Variants in SH3KBP1 observed in about 807,000 individuals in gnomAD.
SH3KBP1 encodes the protein SH3 domain-containing kinase-binding protein 1.
A neutral mutation model predicts 50.1 loss-of-function variants in SH3KBP1; 8 were observed. That is an observed-to-expected ratio of 0.16 (90% CI 0.09 to 0.29). The LOEUF (loss-of-function observed/expected upper bound fraction) is 0.29, where lower values mean the gene tolerates loss of function less well. SH3KBP1 is among the 10% of genes least tolerant of loss of function. SH3KBP1 has a pLI of 1.00. For missense variants in SH3KBP1, 377 were observed against 535.2 expected (o/e 0.70, Z 2.92); for synonymous variants, 227 against 218.6 (o/e 1.04, Z -0.34).
At chrX:19,563,854 G>A (rs1200819945) in intron 13 of SH3KBP1, among the ~76,000 whole-genome samples, 1 of 111,910 alleles carries the variant, frequency 8.9e-6, no homozygotes, top group Non-Finnish European at 1.9e-5. Context: ...GGAGCCAGCC[G>A]TGGCTCTTCA....
chrX:19,760,041 C>CCTCTCCCTCTCTCTCTCT (rs1556346157), intron 2 of SH3KBP1, among the ~76,000 whole-genome samples: 35 of 50,443 alleles, frequency 6.9e-4, no homozygotes, highest in African/African-American at 3.0e-3. Context: ...TCTCTCTCTC[C>CCTCTCCCTCTCTCTCTCT]CTCTCTCTCT....
At chrX:19,599,341 A>G (rs1412145562) in intron 9 of SH3KBP1, among the ~76,000 whole-genome samples, 4 of 112,777 alleles carry the variant, frequency 3.5e-5, no homozygotes, top group Non-Finnish European at 5.6e-5. Flanking sequence ...TAGCAGACAC[A>G]TGAAATGTGA....
At chrX:19,693,415 A>T (rs1222441477) in intron 5 of SH3KBP1, among the ~76,000 whole-genome samples, 1 of 111,798 alleles carries the variant, frequency 8.9e-6, no homozygotes, top group African/African-American at 3.3e-5. Context: ...CTTTTCCTTA[A>T]CTGTACATGC....
At chrX:19,657,310 G>C (rs2062305357) in intron 6 of SH3KBP1, among the ~76,000 whole-genome samples, 1 of 107,074 alleles carries the variant, frequency 9.3e-6, no homozygotes, top group African/African-American at 3.4e-5. Flanking sequence ...GAGCCAGGAA[G>C]TTGAGGTTGC....
At chrX:19,545,710 C>A (rs1389328208) in intron 15 of SH3KBP1, among the ~76,000 whole-genome samples, 1 of 112,154 alleles carries the variant, frequency 8.9e-6, no homozygotes, top group African/African-American at 3.2e-5. Context: ...AAGAGAACAA[C>A]ATGGGAAATA....
intron 1 of SH3KBP1, among the ~76,000 whole-genome samples, chrX:19,852,992 G>C (rs1206716253): frequency 8.9e-6 from 1 of 112,493 alleles, no homozygotes; most frequent in African/African-American, 3.2e-5. Flanking sequence ...GCGAGTTGAC[G>C]CCTTCTCTTA....
At chrX:19,679,442 G>A (rs2062997192) in intron 6 of SH3KBP1, among the ~76,000 whole-genome samples, 2 of 112,002 alleles carry the variant, frequency 1.8e-5, no homozygotes, top group African/African-American at 6.5e-5. Context: ...TGGCCCAGCT[G>A]AGGCCAACTT....
chrX:19,754,707 G>T (rs1369464593), intron 2 of SH3KBP1, among the ~76,000 whole-genome samples: 1 of 111,284 alleles, frequency 9.0e-6, no homozygotes, highest in Non-Finnish European at 1.9e-5. Flanking sequence ...GACCTCAAGT[G>T]ATCAGAGGCA....
At chrX:19,615,740 G>A (rs1433535467) in intron 8 of SH3KBP1, among the ~76,000 whole-genome samples, 1 of 111,311 alleles carries the variant, frequency 9.0e-6, no homozygotes, top group Admixed American at 9.6e-5. Context: ...GGTTTATAAG[G>A]TAAGAAGAAA....
At chrX:19,573,597 T>C (rs1198233922) in intron 12 of SH3KBP1, among the ~76,000 whole-genome samples, 1 of 112,154 alleles carries the variant, frequency 8.9e-6, no homozygotes, top group Non-Finnish European at 1.9e-5. Flanking sequence ...TAAAGTTTAC[T>C]CTTAATAATA....
chrX:19,695,110 C>T, intron 5 of SH3KBP1: 1 of 1,028,832 alleles, frequency 9.7e-7, no homozygotes, highest in Non-Finnish European at 1.3e-6. Flanking sequence ...CACATGCTCA[C>T]CACCCAAGGT....
At chrX:19,638,970 T>G (rs2148346753) in intron 7 of SH3KBP1, among the ~76,000 whole-genome samples, 1 of 111,784 alleles carries the variant, frequency 8.9e-6, no homozygotes, top group African/African-American at 3.3e-5. Flanking sequence ...ACAATTCTAC[T>G]TATTAGAACT....
intron 1 of SH3KBP1, among the ~76,000 whole-genome samples, chrX:19,876,854 A>G (rs903156939): frequency 1.8e-5 from 2 of 111,646 alleles, no homozygotes; most frequent in Admixed American, 9.5e-5. Flanking sequence ...TCAAGCAAGC[A>G]GCTGTAGTCA....
At chrX:19,711,663 T>C (rs968049106) in intron 3 of SH3KBP1, among the ~76,000 whole-genome samples, 1 of 103,020 alleles carries the variant, frequency 9.7e-6, no homozygotes, top group African/African-American at 3.6e-5. Flanking sequence ...CTACAAGGGT[T>C]TAAATCATCT....
intron 2 of SH3KBP1, among the ~76,000 whole-genome samples, chrX:19,824,063 G>A (rs767105667): frequency 1.1e-4 from 12 of 111,043 alleles, no homozygotes; most frequent in South Asian, 7.6e-4. Flanking sequence ...CAAGTGATTC[G>A]CCCGCCTTGG....
intron 3 of SH3KBP1, among the ~76,000 whole-genome samples, chrX:19,732,409 C>G (rs1472463812): frequency 9.1e-6 from 1 of 110,342 alleles, no homozygotes; most frequent in African/African-American, 3.3e-5. Context: ...GCAATTGGCT[C>G]TGTGGAACTC....
intron 12 of SH3KBP1, among the ~76,000 whole-genome samples, chrX:19,572,289 CAT>C (rs1030232387): frequency 2.1e-4 from 22 of 102,612 alleles, no homozygotes; most frequent in East Asian, 8.9e-4. Flanking sequence ...TATATATAGT[CAT>C]ATATGTTATA....
At chrX:19,667,804 CT>C (rs1271126289) in intron 6 of SH3KBP1, among the ~76,000 whole-genome samples, 1 of 68,141 alleles carries the variant, frequency 1.5e-5, no homozygotes, top group Non-Finnish European at 2.8e-5. Context: ...TACTTTTGTT[CT>C]GTTGGGATTT....
rs746532689 is a variant in SH3KBP1 at position 19,802,690 on chromosome X, C to T, written c.162+33435G>A. Among the ~76,000 whole-genome samples the T allele has an allele frequency of 5.4e-5, 6 of 111,700 alleles. No homozygotes were observed. In the South Asian group the frequency reaches 2.2e-3, roughly 42 times the overall value. On this transcript the variant is annotated intron_variant, in intron 2 of 17. Transcript: ENST00000397821. ...CTCGCTCTGGGCTCTGGCCCGTCCT[C>T]TTCACCTGATCAAATTCCTTCCTCT... is the stretch of plus-strand genomic sequence containing the variant.
Sources: allele counts gnomAD v4.1 joint callset (sites outside exome capture counted in the v4.1 genomes callset), GRCh38; gene constraint gnomAD v4.1.1; transcripts MANE v1.5; gene names NCBI Gene and HGNC (gene_info 2026-07-23, HGNC 2026-07-21).